The following ESR1 variants were observed in gnomAD, a reference collection of about 807,000 sequenced individuals.
ESR1 encodes estrogen receptor 1, also known as estrogen receptor.
Under a neutral mutation model 52.7 loss-of-function variants are expected in ESR1, and 12 were observed. The observed-to-expected ratio is 0.23, with a 90% confidence interval of 0.15 to 0.37. The LOEUF is 0.37. Ranked by LOEUF, ESR1 falls within the 10% of genes least tolerant of loss-of-function variation. The pLI, the probability that ESR1 is intolerant of heterozygous loss-of-function variation, is 1.00. For synonymous variants in ESR1, 305 were observed against 316.8 expected, an observed-to-expected ratio of 0.96 and a Z score of 0.39; for missense variants, 584 against 779.7, an observed-to-expected ratio of 0.75 and a Z score of 2.99.
At chr6:151,864,780 A>T (rs1233653567) in intron 2 of ESR1, among the ~76,000 whole-genome samples, 3 of 152,072 alleles carry the variant, frequency 2.0e-5, no homozygotes, top group East Asian at 3.9e-4. Flanking sequence ...GAGTTCATAT[A>T]CTTTGTAGGG....
intron 1 of ESR1, among the ~76,000 whole-genome samples, chr6:151,658,364 C>G (rs1001812981): frequency 1.3e-5 from 2 of 152,212 alleles, no homozygotes; most frequent in African/African-American, 4.8e-5. Context: ...TCCTTTTCCC[C>G]TCTGGTATTC....
intron 1 of ESR1, among the ~76,000 whole-genome samples, chr6:151,659,978 C>T (rs76207517): frequency 6.2e-4 from 94 of 152,282 alleles, no homozygotes; most frequent in Non-Finnish European, 9.0e-4. Flanking sequence ...GTAAAAAGAA[C>T]ACAGGAATTG....
intron 6 of ESR1, among the ~76,000 whole-genome samples, chr6:152,119,173 G>C (rs779028756): frequency 3.3e-5 from 5 of 152,172 alleles, no homozygotes; most frequent in African/African-American, 4.8e-5. Flanking sequence ...ATTAAGTTTT[G>C]TAGCTATAAT....
At chr6:151,835,628 G>A (rs1470167758) in intron 1 of ESR1, among the ~76,000 whole-genome samples, 1 of 152,200 alleles carries the variant, frequency 6.6e-6, no homozygotes, top group African/African-American at 2.4e-5. Context: ...TGATTTTCCA[G>A]GAGAGATGAA....
chr6:151,706,873 G>A (rs1780222867), intron 2 of ESR1, among the ~76,000 whole-genome samples: 1 of 152,170 alleles, frequency 6.6e-6, no homozygotes, highest in South Asian at 2.1e-4. Flanking sequence ...TCATAGGAAG[G>A]CTTTCTGTAT....
At chr6:151,783,020 C>T (rs776086292) in intron 2 of ESR1, among the ~76,000 whole-genome samples, 14 of 152,176 alleles carry the variant, frequency 9.2e-5, no homozygotes, top group Non-Finnish European at 1.6e-4. Context: ...ATTAATTCCT[C>T]AAGATAAATA....
intron 5 of ESR1, among the ~76,000 whole-genome samples, chr6:152,026,015 C>A (rs1281605985): frequency 6.6e-6 from 1 of 151,872 alleles, no homozygotes; most frequent in African/African-American, 2.4e-5. Context: ...GTTGGATGGG[C>A]ATTTTGTTTT....
intron 2 of ESR1, among the ~76,000 whole-genome samples, chr6:151,799,010 G>A (rs902219079): frequency 6.6e-6 from 1 of 152,212 alleles, no homozygotes; most frequent in African/African-American, 2.4e-5. Context: ...ATTTGGGAAT[G>A]TGAAGGCAGT....
intron 1 of ESR1, among the ~76,000 whole-genome samples, chr6:151,831,625 TC>T (rs1482772154): frequency 2.0e-5 from 3 of 152,168 alleles, no homozygotes; most frequent in Non-Finnish European, 2.9e-5. Flanking sequence ...GGTCCTTGAC[TC>T]CCTGTTTTCT....
In ESR1 at chr6:151,704,499, C is replaced by T. The variant is rs533269697; in HGVS notation, c.-71+2494C>T. 3.9e-5 allele frequency among the ~76,000 whole-genome samples: 6 copies of T among 152,352 alleles called. No homozygotes were observed. In the South Asian group the frequency reaches 1.2e-3, roughly 32 times the overall value. On this transcript the variant is annotated intron_variant, in intron 2 of 2. Coordinates refer to the ESR1 transcript ENST00000404742. The stretch of plus-strand genomic sequence containing the variant: ...TGAACTCCTGACCTCAGGTGATCCA[C>T]CCGCCTCAGCCTCCCAAAGTGTTGG...
intron 1 of ESR1, 104 bp downstream of exon 1, chr6:151,808,468 G>A: frequency 2.7e-6 from 3 of 1,093,964 alleles, no homozygotes; most frequent in Non-Finnish European, 3.6e-6. Context: ...GGAGCCGCGG[G>A]ACGCGCGACC....
chr6:151,942,994 G>A (rs939363906), intron 3 of ESR1, among the ~76,000 whole-genome samples: 7 of 152,074 alleles, frequency 4.6e-5, no homozygotes, highest in African/African-American at 1.7e-4. Flanking sequence ...TTAAGGTGCT[G>A]AGCCCAAACC....
chr6:151,942,826 A>T (rs1328612578), intron 3 of ESR1, among the ~76,000 whole-genome samples: 2 of 152,202 alleles, frequency 1.3e-5, no homozygotes, highest in Non-Finnish European at 2.9e-5. Context: ...TTTTATCAAA[A>T]CGATTGCTTC....
intron 2 of ESR1, among the ~76,000 whole-genome samples, chr6:151,791,852 T>C (rs555134460): frequency 1.9e-4 from 29 of 152,062 alleles, no homozygotes; most frequent in Non-Finnish European, 3.4e-4. Context: ...AAAAAAACCT[T>C]TTATCTACAC....
At chr6:151,995,296 T>C (rs1031781404) in intron 4 of ESR1, among the ~76,000 whole-genome samples, 2 of 152,158 alleles carry the variant, frequency 1.3e-5, no homozygotes, top group Admixed American at 6.5e-5. Flanking sequence ...TATCCGTCTT[T>C]CCATCCATCT....
rs1456716653 is a variant in ESR1 at position 152,061,786 on chromosome 6, G to A, written c.1369+662G>A. 1.3e-5 allele frequency among the ~76,000 whole-genome samples: 2 copies of A among 152,062 alleles called. No homozygotes were observed. The highest frequency in any genetic ancestry group is 2.9e-5 in the Non-Finnish European group (2 of 67,982). Reference sequence around the variant, plus strand: ...TTGTTTTTGTTTTCAATGTAGTGAGGCTGGCTGTTGTATAAAGAGTTACTC... The same window carrying A: ...TTGTTTTTGTTTTCAATGTAGTGAGACTGGCTGTTGTATAAAGAGTTACTC... On this transcript the variant is annotated intron_variant, in intron 6 of 7. Transcript: ENST00000206249. This position sits in a 1 kb window ranked among gnomAD's most constrained non-coding sequence, Gnocchi z 4.3.
chr6:152,111,064 C>T (rs919089636), intron 6 of ESR1, among the ~76,000 whole-genome samples: 3 of 152,066 alleles, frequency 2.0e-5, no homozygotes, highest in Non-Finnish European at 2.9e-5. Flanking sequence ...AGCGGTGGCA[C>T]CCTCACTAGC....
At chr6:151,732,534 TTG>T (rs3036504) in intron 2 of ESR1, among the ~76,000 whole-genome samples, 116 of 148,604 alleles carry the variant, frequency 7.8e-4, no homozygotes, top group East Asian at 9.9e-4. Context: ...GTGTGTGTGT[TTG>T]TGTGTGTGTG....
At chr6:151,932,436 G>A (rs1223597884) in intron 3 of ESR1, among the ~76,000 whole-genome samples, 45 of 128,966 alleles carry the variant, frequency 3.5e-4, no homozygotes, top group African/African-American at 1.1e-3. Flanking sequence ...TTCTTTTGCT[G>A]TGCAGAAGCT....
Sources: allele counts gnomAD v4.1 joint callset (sites outside exome capture counted in the v4.1 genomes callset), GRCh38; gene constraint gnomAD v4.1.1; non-coding constraint Gnocchi (gnomAD v3.1); transcripts MANE v1.5; gene names NCBI Gene and HGNC (gene_info 2026-07-23, HGNC 2026-07-21).